Variants in CNTN5 observed in about 807,000 individuals in gnomAD.
CNTN5 encodes the protein contactin 5, also known as contactin-5.
Under a neutral mutation model 129.1 loss-of-function variants are expected in CNTN5, and 77 were observed. The observed-to-expected ratio is 0.60, with a 90% CI of 0.50 to 0.72. CNTN5 has a LOEUF of 0.72. CNTN5 is among the 30% of genes least tolerant of loss of function. The pLI, the probability that CNTN5 is intolerant of heterozygous loss-of-function variation, is 0.00. For synonymous variants in CNTN5, 509 were observed against 465.6 expected, an observed-to-expected ratio of 1.09 and a Z score of -1.20; for missense variants, 1,478 against 1,328.8, an observed-to-expected ratio of 1.11 and a Z score of -1.75.
chr11:99,312,742 C>T (rs1865166081), intron 1 of CNTN5, among the ~76,000 whole-genome samples: 2 of 151,760 alleles, frequency 1.3e-5, no homozygotes, highest in South Asian at 4.2e-4. Context: ...AAATATTACC[C>T]ATTGTTATTA....
chr11:99,642,696 T>A (rs551385411), intron 3 of CNTN5, among the ~76,000 whole-genome samples: 4 of 152,142 alleles, frequency 2.6e-5, no homozygotes, highest in South Asian at 2.1e-4. Flanking sequence ...CCAAAACTTA[T>A]TCCTCCTGTC....
intron 2 of CNTN5, among the ~76,000 whole-genome samples, chr11:99,555,872 A>G (rs1367470005): frequency 6.6e-6 from 1 of 151,904 alleles, no homozygotes; most frequent in African/African-American, 2.4e-5. Flanking sequence ...AATTATCCCC[A>G]TTAGAACCTG....
intron 1 of CNTN5, among the ~76,000 whole-genome samples, chr11:99,109,633 A>C (rs1250988434): frequency 6.6e-6 from 1 of 152,060 alleles, no homozygotes; most frequent in Non-Finnish European, 1.5e-5. Flanking sequence ...GTTGTAGATC[A>C]CGTTAGAAGC....
At chr11:100,150,119 T>C (rs1318407795) in intron 13 of CNTN5, among the ~76,000 whole-genome samples, 2 of 152,156 alleles carry the variant, frequency 1.3e-5, no homozygotes, top group African/African-American at 4.8e-5. Context: ...TCCAACAGAA[T>C]TGAGGATGTC....
chr11:99,512,410 A>G (rs906675922), intron 2 of CNTN5, among the ~76,000 whole-genome samples: 1 of 152,168 alleles, frequency 6.6e-6, no homozygotes, highest in Admixed American at 6.5e-5. Flanking sequence ...TTTTCACAAG[A>G]AATCGCCTAA....
At chr11:99,934,914 A>G (rs1188215841) in intron 7 of CNTN5, among the ~76,000 whole-genome samples, 7,662 of 24,326 alleles carry the variant, frequency 0.31, 605 homozygotes, top group East Asian at 0.5. Flanking sequence ...ATATATATAT[A>G]TATATATATA....
chr11:99,616,490 C>G (rs1189456176), intron 3 of CNTN5, among the ~76,000 whole-genome samples: 1 of 151,830 alleles, frequency 6.6e-6, no homozygotes, highest in Non-Finnish European at 1.5e-5. Flanking sequence ...TGATGTTTGT[C>G]CCTGACTAGA....
intron 1 of CNTN5, among the ~76,000 whole-genome samples, chr11:99,080,351 C>G (rs1241448160): frequency 6.6e-6 from 1 of 152,138 alleles, no homozygotes; most frequent in Non-Finnish European, 1.5e-5. Flanking sequence ...CTAGCAACGA[C>G]TAATCACAAA....
rs552041661 is a variant in CNTN5, at chr11:100,025,346, T to C, written c.980+23210T>C. 2.6e-5 allele frequency among the ~76,000 whole-genome samples: 4 copies of C among 152,296 alleles called. No individual in the cohort carries two copies. The South Asian group carries it at 8.3e-4, about 32-fold the overall frequency. On this transcript the variant is annotated intron_variant, in intron 9 of 24. Transcript: ENST00000524871. ...CTAGATTTCAGAGGATTTATGAAAA[T>C]GCCTAGATGTCCAGGCAGAGGTGTG...
rs1028118599 is a variant in CNTN5 at position 99,885,338 on chromosome 11, A to G, written c.578-30716A>G. ...AGAGAGAAAACAAAAGCAGTGAGAA[A>G]AGACAAAGCTGCCTACACAATAATG... is the stretch of plus-strand genomic sequence containing the variant. On this transcript the variant is annotated intron_variant, in intron 6 of 24. Coordinates refer to ENST00000524871, the MANE Select transcript of CNTN5 (RefSeq NM_014361.4). Among the ~76,000 whole-genome samples, 15 of 152,248 alleles carry G rather than the reference A, an allele frequency of 9.9e-5. 1 individual carries two copies. Among genetic ancestry groups the G allele is most frequent in the Admixed American group, 7.9e-4 (12 of 15,270 alleles).
At chr11:100,296,385 G>GA (rs375055568) in intron 18 of CNTN5, among the ~76,000 whole-genome samples, 7 of 151,356 alleles carry the variant, frequency 4.6e-5, no homozygotes, top group Admixed American at 2.6e-4. Context: ...TTGAATGAGA[G>GA]AAAAAAAGGG....
chr11:99,892,469 T>A (rs577282731), intron 6 of CNTN5, among the ~76,000 whole-genome samples: 90 of 152,316 alleles, frequency 5.9e-4, no homozygotes, highest in Middle Eastern at 3.4e-3. Flanking sequence ...GGTCTTACAT[T>A]TAAGTCTTTA....
At chr11:100,090,627 G>A (rs1944745491) in intron 13 of CNTN5, among the ~76,000 whole-genome samples, 1 of 149,180 alleles carries the variant, frequency 6.7e-6, no homozygotes, top group African/African-American at 2.5e-5. Flanking sequence ...TGGGGGCTAG[G>A]AAGTCCCAGT....
intron 9 of CNTN5, among the ~76,000 whole-genome samples, chr11:100,035,179 T>C (rs1404262795): frequency 2.7e-5 from 4 of 148,914 alleles, no homozygotes; most frequent in Non-Finnish European, 3.0e-5. Context: ...TGTCCATGTG[T>C]TCCATTGTTC....
At chr11:99,667,276 T>C (rs1448683296) in intron 3 of CNTN5, among the ~76,000 whole-genome samples, 1 of 141,576 alleles carries the variant, frequency 7.1e-6, no homozygotes, top group African/African-American at 2.5e-5. Context: ...AGCATTTTGT[T>C]TTGTTTTCAT....
At chr11:99,509,040 C>A (rs1026709414) in intron 2 of CNTN5, among the ~76,000 whole-genome samples, 2 of 151,942 alleles carry the variant, frequency 1.3e-5, no homozygotes, top group African/African-American at 4.8e-5. Context: ...GAAAAAAATA[C>A]CATCTAATTT....
chr11:100,106,929 G>C (rs570258761), intron 13 of CNTN5, among the ~76,000 whole-genome samples: 1 of 152,194 alleles, frequency 6.6e-6, no homozygotes, highest in African/African-American at 2.4e-5. Flanking sequence ...ACTTTCAAGG[G>C]AGTTCTTGAA....
At chr11:99,107,634 A>G (rs17133013) in intron 1 of CNTN5, among the ~76,000 whole-genome samples, 3,210 of 152,098 alleles carry the variant, frequency 0.021, 128 homozygotes, top group African/African-American at 0.074. Context: ...GACAAAATGG[A>G]TCTTAAACTA....
chr11:100,073,478 T>C (rs1944010318), intron 12 of CNTN5, among the ~76,000 whole-genome samples: 1 of 151,596 alleles, frequency 6.6e-6, no homozygotes, highest in African/African-American at 2.4e-5. Context: ...TAATATCAGA[T>C]TGGTAAAAGT....
Sources: gnomAD v4.1 joint callset for allele counts (sites outside exome capture counted in the v4.1 genomes callset) on GRCh38, gnomAD v4.1.1 for gene constraint, MANE v1.5 for transcripts, NCBI Gene and HGNC (gene_info 2026-07-23, HGNC 2026-07-21) for gene names.